PLA2G6: variants seen among roughly 807,000 people sequenced by gnomAD.
PLA2G6 encodes the protein 85/88 kDa calcium-independent phospholipase A2.
PLA2G6 carries 62 observed loss-of-function variants against 83.8 expected under a neutral mutation model. The observed-to-expected ratio is 0.74, with a 90% CI of 0.60 to 0.91. PLA2G6 has a LOEUF of 0.91. Among genes scored for constraint, PLA2G6 ranks in the 40% least tolerant of loss-of-function variants. The pLI, the probability that PLA2G6 is intolerant of heterozygous loss-of-function variation, is 0.00. For missense variants in PLA2G6, 944 were observed against 1,102.0 expected (o/e 0.86, Z 2.03); for synonymous variants, 417 against 449.8 (o/e 0.93, Z 0.92).
chr22:38,120,476 C>G (rs2087458405), intron 12 of PLA2G6, among the ~76,000 whole-genome samples: 1 of 151,132 alleles, frequency 6.6e-6, no homozygotes, highest in South Asian at 2.1e-4. Context: ...CAGGGCAGAG[C>G]CAGGCAGGGC....
In PLA2G6 at chr22:38,145,757, G is replaced by A. The variant is rs1202445716; in HGVS notation, c.210-104C>T. The A allele has an allele frequency of 1.0e-5, 7 of 687,336 alleles. No homozygotes were observed. In the South Asian group the frequency reaches 1.1e-4, roughly 10 times the overall value. 42.6% of individuals were successfully genotyped at this position (687,336 alleles called of 1,614,324 possible). ...AGGTCCCCAGGCTGCGGCCTGGCCA[G>A]CTCCAGCCCGACTCCCCTCCCAAGC... is the stretch of plus-strand genomic sequence containing the variant. On this transcript the variant is annotated intron_variant, in intron 2 of 16. Transcript: ENST00000332509.
chr22:38,144,830 CATAAAATAAAATAAAATAAA>C lies in PLA2G6; in HGVS notation c.425+588_425+607del, dbSNP rs132935. 5.0e-4 allele frequency: 91 copies of C among 181,588 alleles called. 6 individuals are homozygous for C. Among genetic ancestry groups the C allele is most frequent in the South Asian group, 2.1e-3 (25 of 11,678 alleles). The allele number at this position is 181,588 out of a possible 1,614,324, so 11.2% of individuals were successfully genotyped here. A position where few individuals can be genotyped will look rare whatever the true frequency, so the allele number is the denominator to read the frequency against. Reference sequence around the variant, plus strand: ...CTCAAAATAAAATAACATAACGTAACATAAAATAAAATAAAATAAAATAAAATAAAATAAAATAAAATAAA... The same window carrying C: ...CTCAAAATAAAATAACATAACGTAACATAAAATAAAATAAAATAAAATAAA... On this transcript the variant is annotated intron_variant, in intron 3 of 16. Coordinates refer to ENST00000332509, the MANE Select transcript of PLA2G6 (RefSeq NM_003560.4).
chr22:38,121,980 G>A (rs1359776959), intron 11 of PLA2G6, among the ~76,000 whole-genome samples: 3 of 152,162 alleles, frequency 2.0e-5, no homozygotes, highest in Non-Finnish European at 4.4e-5. Flanking sequence ...GGGCTATGGT[G>A]AGAATCATCA....
intron 2 of PLA2G6, chr22:38,149,883 C>T (rs1287959833): frequency 1.3e-5 from 2 of 151,214 alleles, no homozygotes; most frequent in Non-Finnish European, 2.9e-5. Context: ...TGCAGTGAGC[C>T]GAGATCACGC....
intron 1 of PLA2G6, among the ~76,000 whole-genome samples, chr22:38,178,897 C>A (rs971777623): frequency 2.5e-5 from 3 of 119,452 alleles, no homozygotes; most frequent in African/African-American, 6.5e-5. Flanking sequence ...CCAAAAAAAA[C>A]CCCACAAAAT....
chr22:38,113,369 C>T (rs1172989566), intron 15 of PLA2G6, 118 bp downstream of exon 15: 16 of 998,438 alleles, frequency 1.6e-5, no homozygotes, highest in Admixed American at 6.8e-5. Flanking sequence ...TGGCTAAAGG[C>T]GATGGACAGA....
chr22:38,160,830 G>T (rs1365137770), intron 2 of PLA2G6, among the ~76,000 whole-genome samples: 1 of 151,990 alleles, frequency 6.6e-6, no homozygotes, highest in East Asian at 1.9e-4. Context: ...GGGCAACACA[G>T]TGAGACTCCA....
At chr22:38,148,761 T>G (rs1298935685) in intron 2 of PLA2G6, 3 of 471,252 alleles carry the variant, frequency 6.4e-6, no homozygotes, top group Non-Finnish European at 1.1e-5. Flanking sequence ...GTGATTTCAG[T>G]TCCAGAAACT....
intron 10 of PLA2G6, among the ~76,000 whole-genome samples, chr22:38,124,885 C>A (rs1055306435): frequency 2.0e-4 from 31 of 152,264 alleles, no homozygotes; most frequent in African/African-American, 6.3e-4. Context: ...AGCAAACTCC[C>A]GAAGATGCGG....
chr22:38,122,168 C>G (rs986085140), intron 11 of PLA2G6, among the ~76,000 whole-genome samples: 5 of 152,154 alleles, frequency 3.3e-5, no homozygotes, highest in Non-Finnish European at 4.4e-5. Flanking sequence ...CAGCATCCAA[C>G]ACAGGCCTGG....
rs751282936 is a variant in PLA2G6, at chr22:38,143,111, C to A, written c.603G>T (p.Val201=). Residue 201 remains valine (V), a synonymous_variant, in exon 4 of 17, where the codon GTG becomes GTT. Transcript: ENST00000332509. ...HYAVQGDNSQ[V]LQLLGRNAVA... ...TGCCCCTCCCCCTGCTCACCTGCAG[C>A]ACCTGAGAATTGTCACCCTGGACAG... is the stretch of plus-strand genomic sequence containing the variant. The A allele has an allele frequency of 3.7e-6, 6 of 1,614,162 alleles. No homozygotes were observed. In the East Asian group the frequency reaches 1.3e-4, roughly 36 times the overall value.
chr22:38,153,987 G>T (rs1368980423), intron 2 of PLA2G6, among the ~76,000 whole-genome samples: 1 of 152,236 alleles, frequency 6.6e-6, no homozygotes, highest in East Asian at 1.9e-4. Flanking sequence ...GGCAGTGGTG[G>T]CCATGGAGAG....
intron 1 of PLA2G6, among the ~76,000 whole-genome samples, chr22:38,172,185 C>G (rs1313660371): frequency 6.6e-6 from 1 of 152,196 alleles, no homozygotes; most frequent in African/African-American, 2.4e-5. Context: ...GACAACCACT[C>G]TATGAACTGG....
intron 12 of PLA2G6, among the ~76,000 whole-genome samples, chr22:38,118,888 G>C (rs1359998259): frequency 6.6e-6 from 1 of 151,732 alleles, no homozygotes; most frequent in Non-Finnish European, 1.5e-5. Context: ...CAATTAGCTG[G>C]GACTACAGCC....
At chr22:38,135,396 A>G in intron 5 of PLA2G6, 1 of 397,834 alleles carries the variant, frequency 2.5e-6, no homozygotes, top group Non-Finnish European at 4.7e-6. Context: ...GAAGCTGAGC[A>G]ACATGGAGAG....
intron 12 of PLA2G6, among the ~76,000 whole-genome samples, chr22:38,118,840 G>A (rs1482053499): frequency 6.6e-6 from 1 of 151,266 alleles, no homozygotes; most frequent in East Asian, 1.9e-4. Flanking sequence ...TGTAGCCTCA[G>A]CCTCCGGGGC....
chr22:38,127,551 T>G, intron 9 of PLA2G6: 68 of 835,082 alleles, frequency 8.1e-5, no homozygotes, highest in Non-Finnish European at 1.1e-4. Context: ...ACAGTCACGG[T>G]GCCTCTCCAG....
intron 1 of PLA2G6, among the ~76,000 whole-genome samples, chr22:38,171,529 T>A (rs183444464): frequency 1.3e-5 from 2 of 150,954 alleles, no homozygotes; most frequent in Admixed American, 1.3e-4. Context: ...CCAAACAATT[T>A]TTATAGAGGC....
At chr22:38,125,569 G>A (rs549816849) in intron 10 of PLA2G6, 1 of 429,004 alleles carries the variant, frequency 2.3e-6, no homozygotes, top group Admixed American at 2.8e-5. Flanking sequence ...AGAACCCAGA[G>A]AGAGCCTGCG....
Sources: allele counts gnomAD v4.1 joint callset (sites outside exome capture counted in the v4.1 genomes callset), GRCh38; gene constraint gnomAD v4.1.1; transcripts MANE v1.5; gene names NCBI Gene and HGNC (gene_info 2026-07-23, HGNC 2026-07-21).